The following RSPO3 variants were observed in gnomAD, a reference collection of about 807,000 sequenced individuals.
The protein encoded by RSPO3 is R-spondin-3.
RSPO3 carries 17 observed loss-of-function variants against 36.5 expected under a neutral mutation model. The observed-to-expected ratio is 0.47, with a 90% CI of 0.32 to 0.70. RSPO3 has a LOEUF of 0.70. Among genes scored for constraint, RSPO3 ranks in the 30% least tolerant of loss-of-function variants. The pLI is 0.04. For missense variants in RSPO3, 294 were observed against 322.5 expected, an observed-to-expected ratio of 0.91 and a Z score of 0.68; for synonymous variants, 108 against 107.0, an observed-to-expected ratio of 1.01 and a Z score of -0.06.
chr6:127,140,856 A>G (rs1472884460), intron 1 of RSPO3, among the ~76,000 whole-genome samples: 2 of 152,002 alleles, frequency 1.3e-5, no homozygotes, highest in East Asian at 3.9e-4. Flanking sequence ...TACTGTTTGC[A>G]TTGCTGGTGC....
chr6:127,160,139 C>T (rs1466464478), intron 4 of RSPO3, among the ~76,000 whole-genome samples: 2 of 151,990 alleles, frequency 1.3e-5, no homozygotes, highest in Admixed American at 6.6e-5. Flanking sequence ...TTTTGTAGGT[C>T]GTAAATGGTC....
At chr6:127,164,018 G>A (rs913179578) in intron 4 of RSPO3, among the ~76,000 whole-genome samples, 8 of 152,014 alleles carry the variant, frequency 5.3e-5, no homozygotes, top group Non-Finnish European at 7.4e-5. Context: ...CTGCTGCAGA[G>A]TCTTTCTCCA....
At chr6:127,154,614 A>G (rs1266919343) in intron 3 of RSPO3, among the ~76,000 whole-genome samples, 1 of 152,178 alleles carries the variant, frequency 6.6e-6, no homozygotes, top group African/African-American at 2.4e-5. Context: ...TCGTAAGCAA[A>G]GGCAGTAAAT....
At chr6:127,183,806 C>G (rs1457462595) in intron 4 of RSPO3, among the ~76,000 whole-genome samples, 1 of 151,886 alleles carries the variant, frequency 6.6e-6, no homozygotes, top group Non-Finnish European at 1.5e-5. Flanking sequence ...TCTCCCAATA[C>G]TATCCACCCC....
At chr6:127,134,447 AT>A (rs200117436) in intron 1 of RSPO3, among the ~76,000 whole-genome samples, 5,997 of 152,208 alleles carry the variant, frequency 0.039, 171 homozygotes, top group African/African-American at 0.089. Flanking sequence ...AAAATAGTGC[AT>A]TTTTTGTCCA....
intron 4 of RSPO3, among the ~76,000 whole-genome samples, chr6:127,174,443 T>C (rs1040781561): frequency 9.9e-5 from 15 of 151,938 alleles, no homozygotes; most frequent in African/African-American, 3.4e-4. Context: ...ATGGTGGATA[T>C]GTTCTGATCA....
chr6:127,128,250 C>T (rs1339387231), intron 1 of RSPO3, among the ~76,000 whole-genome samples: 1 of 152,028 alleles, frequency 6.6e-6, no homozygotes, highest in Non-Finnish European at 1.5e-5. Context: ...TTACCATGAG[C>T]ATTAACAGTA....
In RSPO3 at chr6:127,196,091, CA is replaced by C; in HGVS notation, c.*87del. The C allele has an allele frequency of 1.8e-6, 2 of 1,120,702 alleles. No homozygotes were observed. Among genetic ancestry groups the C allele is most frequent in the East Asian group, 5.0e-5 (2 of 39,842 alleles). 69.4% of individuals were successfully genotyped at this position (1,120,702 alleles called of 1,614,324 possible). A position where few individuals can be genotyped will look rare whatever the true frequency, so the allele number is the denominator to read the frequency against. On this transcript the variant is annotated 3_prime_UTR_variant, in exon 5 of 5. Coordinates refer to ENST00000356698, the MANE Select transcript of RSPO3 (RefSeq NM_032784.5). ...ACAGGTGCTCTAGCCATTAGGACCA[CA>C]AATGGACATGTCAGTTATTGCTCTG...
At chr6:127,142,328 T>C (rs564375710) in intron 1 of RSPO3, among the ~76,000 whole-genome samples, 2 of 152,306 alleles carry the variant, frequency 1.3e-5, no homozygotes, top group South Asian at 4.1e-4. Context: ...TGAGAAACAC[T>C]GACTCTGAAT....
At chr6:127,170,460 CAT>C (rs927652209) in intron 4 of RSPO3, among the ~76,000 whole-genome samples, 3 of 128,050 alleles carry the variant, frequency 2.3e-5, no homozygotes, top group African/African-American at 8.4e-5. Context: ...CACAAATATA[CAT>C]ATATATATAA....
chr6:127,192,348 T>C (rs918352959), intron 4 of RSPO3, among the ~76,000 whole-genome samples: 7 of 152,194 alleles, frequency 4.6e-5, no homozygotes, highest in African/African-American at 1.7e-4. Flanking sequence ...CATATGCCAG[T>C]CACCATGCTA....
intron 4 of RSPO3, among the ~76,000 whole-genome samples, chr6:127,164,165 T>C (rs1774767930): frequency 6.6e-6 from 1 of 152,076 alleles, no homozygotes; most frequent in Non-Finnish European, 1.5e-5. Context: ...TGGACCCTAC[T>C]TTGAATCACT....
At chr6:127,190,134 A>C (rs1184655880) in intron 4 of RSPO3, among the ~76,000 whole-genome samples, 1 of 152,110 alleles carries the variant, frequency 6.6e-6, no homozygotes, top group Non-Finnish European at 1.5e-5. Context: ...TTTTAATTTA[A>C]AATAACAGGC....
intron 1 of RSPO3, among the ~76,000 whole-genome samples, chr6:127,131,087 A>G (rs1257020175): frequency 6.6e-6 from 1 of 152,120 alleles, no homozygotes; most frequent in African/African-American, 2.4e-5. Flanking sequence ...CTTAATGTAG[A>G]TCCAAGCTTT....
chr6:127,184,493 A>T (rs1005287128), intron 4 of RSPO3, among the ~76,000 whole-genome samples: 1 of 151,998 alleles, frequency 6.6e-6, no homozygotes, highest in Non-Finnish European at 1.5e-5. Context: ...AGTGAAATCT[A>T]CTAATGATAA....
At chr6:127,189,759 ATAAT>A (rs1477844992) in intron 4 of RSPO3, among the ~76,000 whole-genome samples, 1 of 152,198 alleles carries the variant, frequency 6.6e-6, no homozygotes, top group African/African-American at 2.4e-5. Flanking sequence ...TTTTCTTTGA[ATAAT>A]TAATCAGAAG....
At chr6:127,172,901 C>A (rs1774969637) in intron 4 of RSPO3, among the ~76,000 whole-genome samples, 1 of 151,712 alleles carries the variant, frequency 6.6e-6, no homozygotes, top group African/African-American at 2.4e-5. Flanking sequence ...GTATTTGAGG[C>A]TGAAAAGAGT....
At chr6:127,164,006 C>T (rs746375277) in intron 4 of RSPO3, among the ~76,000 whole-genome samples, 48 of 152,074 alleles carry the variant, frequency 3.2e-4, no homozygotes, top group Non-Finnish European at 6.5e-4. Context: ...CCTTATTCTC[C>T]TCTGCTGCAG....
At chr6:127,183,475 T>C (rs1260546392) in intron 4 of RSPO3, among the ~76,000 whole-genome samples, 1 of 151,980 alleles carries the variant, frequency 6.6e-6, no homozygotes, top group African/African-American at 2.4e-5. Context: ...TTTGGGACAC[T>C]GGGTAATCAC....
Sources: allele counts gnomAD v4.1 joint callset (sites outside exome capture counted in the v4.1 genomes callset), GRCh38; gene constraint gnomAD v4.1.1; transcripts MANE v1.5; gene names NCBI Gene and HGNC (gene_info 2026-07-23, HGNC 2026-07-21).